The following DUSP11 variants were observed in gnomAD, a reference collection of about 807,000 sequenced individuals.
The protein encoded by DUSP11 is RNA/RNP complex-1-interacting phosphatase.
A neutral mutation model predicts 41.4 loss-of-function variants in DUSP11; 27 were observed. That is an observed-to-expected ratio of 0.65 (90% CI 0.48 to 0.90). The LOEUF (loss-of-function observed/expected upper bound fraction) is 0.90, where lower values mean the gene tolerates loss of function less well. Ranked by LOEUF, DUSP11 falls within the 40% of genes least tolerant of loss-of-function variation. DUSP11 has a pLI of 0.00. For synonymous variants in DUSP11, 188 were observed against 159.3 expected, an observed-to-expected ratio of 1.18 and a Z score of -1.35; for missense variants, 465 against 461.1, an observed-to-expected ratio of 1.01 and a Z score of -0.08.
At chr2:73,779,853 C>A (rs1364764653) in intron 1 of DUSP11, 21 bp downstream of exon 1, 1 of 1,612,720 alleles carries the variant, frequency 6.2e-7, no homozygotes. Context: ...AAGGCCACGC[C>A]AAGGGACCAA....
At chr2:73,766,542 G>A (rs1468280387) in exon 8 of DUSP11, 1 of 1,613,848 alleles carries the variant, frequency 6.2e-7, no homozygotes, top group South Asian at 1.1e-5. Context: ...GGTTGCATGA[G>A]ATGTGCTGAG....
intron 4 of DUSP11, chr2:73,773,429 C>G (rs1331899505): frequency 2.9e-6 from 1 of 348,304 alleles, no homozygotes; most frequent in South Asian, 2.3e-5. Flanking sequence ...TTAATCTTTG[C>G]CCTTTCTTGT....
At position 73,777,616 on chromosome 2, in the gene DUSP11, C is replaced by G. The variant is rs142372714; in HGVS notation, c.318+685G>C. On this transcript the variant is annotated intron_variant, in intron 2 of 8. Coordinates refer to ENST00000272444, the Ensembl canonical transcript of DUSP11. Reference sequence around the variant, plus strand: ...ATCCGGGGGATATTTCTGATTGTGACCATGGAAGGAAAGGAGTCCCACTGG... The same window carrying G: ...ATCCGGGGGATATTTCTGATTGTGAGCATGGAAGGAAAGGAGTCCCACTGG... Among the ~76,000 whole-genome samples, 898 of 152,264 alleles carry G rather than the reference C, an allele frequency of 5.9e-3. 6 individuals carry two copies. The highest frequency in any genetic ancestry group is 9.6e-3 in the Non-Finnish European group (656 of 68,026).
At chr2:73,769,141 G>A (rs1158251029) in intron 5 of DUSP11, 124 bp downstream of exon 5, 26 of 706,954 alleles carry the variant, frequency 3.7e-5, no homozygotes, top group Non-Finnish European at 6.2e-5. Flanking sequence ...TCTCTGGGTG[G>A]GGAGCAAGAC....
At chr2:73,766,835 T>C (rs762850796) in exon 7 of DUSP11, 8 of 1,611,412 alleles carry the variant, frequency 5.0e-6, no homozygotes, top group Admixed American at 1.7e-5. Flanking sequence ...TACTTTCTGA[T>C]AGGACCATTC....
intron 5 of DUSP11, 172 bp from the exon 6 acceptor site, chr2:73,767,379 G>A (rs544329640): frequency 6.8e-5 from 36 of 532,572 alleles, no homozygotes; most frequent in South Asian, 4.3e-4. Context: ...ACAAAAAGAC[G>A]TTTTTCAAGA....
At chr2:73,769,099 A>C in intron 5 of DUSP11, 166 bp downstream of exon 5, 1 of 562,788 alleles carries the variant, frequency 1.8e-6, no homozygotes, top group Non-Finnish European at 3.1e-6. Flanking sequence ...TAGAGTCTGA[A>C]AAGATGTGTA....
At chr2:73,764,866 T>C (rs1448142813) in intron 8 of DUSP11, among the ~76,000 whole-genome samples, 1 of 152,074 alleles carries the variant, frequency 6.6e-6, no homozygotes, top group Non-Finnish European at 1.5e-5. Context: ...CTCGGGAGGC[T>C]GAAGCAGGAG....
In DUSP11 at chr2:73,766,923, T is replaced by C. The variant is rs770852987; in HGVS notation, c.683-20A>G. 85 of 1,596,050 alleles carry C rather than the reference T, an allele frequency of 5.3e-5. No homozygotes were observed. The highest frequency in any genetic ancestry group is 6.0e-6 in the Non-Finnish European group (7 of 1,168,070). On this transcript the variant is annotated intron_variant, in intron 6 of 8. Transcript: ENST00000272444. ...TGAATACTGAGGAGAGGATAAACTGTTAGAAATAACTGTACAAAAAGCAGA... is the reference window on the plus strand; with the variant it reads ...TGAATACTGAGGAGAGGATAAACTGCTAGAAATAACTGTACAAAAAGCAGA...
Position 73,766,817 on chromosome 2 carries a change from A to G in DUSP11, c.758+11T>C, listed in dbSNP as rs200079097. 11 of 1,599,716 alleles carry G rather than the reference A, an allele frequency of 6.9e-6. No individual in the cohort carries two copies. The highest frequency in any genetic ancestry group is 6.7e-5 in the East Asian group (3 of 44,758). On this transcript the variant is annotated intron_variant, in intron 7 of 8. Coordinates refer to ENST00000272444, the Ensembl canonical transcript of DUSP11. ...GACCCACAAATCTCACATATATAAC[A>G]TAAGACTTACTTTCTGATAGGACCA...
exon 1 of DUSP11, chr2:73,779,924 A>C: frequency 1.9e-6 from 3 of 1,614,230 alleles, no homozygotes; most frequent in Non-Finnish European, 2.5e-6. Context: ...AGCGTCCTGA[A>C]AAGTCGCGTC....
chr2:73,775,104 A>G, intron 2 of DUSP11, 60 bp from the exon 3 acceptor site: 1 of 1,456,556 alleles, frequency 6.9e-7, no homozygotes, highest in Non-Finnish European at 9.3e-7. Flanking sequence ...TACATTAGGC[A>G]TTTATTCAAG....
exon 1 of DUSP11, chr2:73,780,126 C>G (rs1417992346): frequency 1.3e-6 from 2 of 1,553,882 alleles, no homozygotes; most frequent in East Asian, 2.4e-5. Flanking sequence ...GTGCCACCGC[C>G]GGTCGTGATG....
chr2:73,768,495 C>A, intron 5 of DUSP11: 1 of 985,400 alleles, frequency 1.0e-6, no homozygotes, highest in South Asian at 4.7e-5. Context: ...ACGACACATA[C>A]TATTTGATTA....
Position 73,778,203 on chromosome 2 carries a change from G to A in DUSP11, c.318+98C>T, listed in dbSNP as rs1394125415. On this transcript the variant is annotated intron_variant, in intron 2 of 8. Transcript: ENST00000272444. Reference sequence around the variant, plus strand: ...GTAAAGGGGTCATTACAAAGTATTTGCTATAAAAAGAGAAAATGGAATGTG... The same window carrying A: ...GTAAAGGGGTCATTACAAAGTATTTACTATAAAAAGAGAAAATGGAATGTG... 17 of 754,662 alleles carry A rather than the reference G, an allele frequency of 2.3e-5. No individual in the cohort carries two copies. The South Asian group carries it at 3.2e-4, about 14-fold the overall frequency. 46.7% of individuals were successfully genotyped at this position (754,662 alleles called of 1,614,324 possible). A position where few individuals can be genotyped will look rare whatever the true frequency, so the allele number is the denominator to read the frequency against.
intron 4 of DUSP11, 107 bp from the exon 5 acceptor site, chr2:73,769,432 G>C (rs986967653): frequency 1.2e-6 from 1 of 833,892 alleles, no homozygotes; most frequent in Non-Finnish European, 1.9e-6. Context: ...GTTTTTTCTA[G>C]GAACATACTA....
intron 5 of DUSP11, chr2:73,767,863 A>G (rs1672497050): frequency 6.6e-6 from 1 of 152,196 alleles, no homozygotes; most frequent in Non-Finnish European, 1.5e-5. Flanking sequence ...TGTATTCTCC[A>G]CTCAGCAGCA....
rs137938545 is a variant in DUSP11, at chr2:73,765,404, T to C, written c.935+1014A>G. ...TTGGATTGAGAGTTACTCCACTGGCTTCCGTGGTTCTGAGGCTTTCTGAGT... is the reference window on the plus strand; with the variant it reads ...TTGGATTGAGAGTTACTCCACTGGCCTCCGTGGTTCTGAGGCTTTCTGAGT... On this transcript the variant is annotated intron_variant, in intron 8 of 8. Coordinates refer to ENST00000272444, the Ensembl canonical transcript of DUSP11. Among the ~76,000 whole-genome samples, 195 of 152,344 alleles carry C rather than the reference T, an allele frequency of 1.3e-3. 1 individual carries two copies. Among genetic ancestry groups the C allele is most frequent in the South Asian group, 3.5e-3 (17 of 4,826 alleles).
At chr2:73,775,114 G>T in intron 2 of DUSP11, 70 bp from the exon 3 acceptor site, 1 of 1,308,652 alleles carries the variant, frequency 7.6e-7, no homozygotes, top group Non-Finnish European at 1.1e-6. Context: ...ATTTATTCAA[G>T]TCCTGTGATG....
Sources: allele counts gnomAD v4.1 joint callset (sites outside exome capture counted in the v4.1 genomes callset), GRCh38; gene constraint gnomAD v4.1.1; transcripts MANE v1.5; gene names NCBI Gene and HGNC (gene_info 2026-07-23, HGNC 2026-07-21).